MDGA2: variants seen among roughly 807,000 people sequenced by gnomAD.
The protein encoded by MDGA2 is MAM domain-containing glycosylphosphatidylinositol anchor protein 2.
Under a neutral mutation model 117.8 loss-of-function variants are expected in MDGA2, and 40 were observed. That is an observed-to-expected ratio of 0.34 (90% CI 0.26 to 0.44). The LOEUF is 0.44. Among genes scored for constraint, MDGA2 ranks in the 20% least tolerant of loss-of-function variants. MDGA2 has a pLI of 1.00. For synonymous variants in MDGA2, 452 were observed against 439.0 expected, an observed-to-expected ratio of 1.03 and a Z score of -0.37; for missense variants, 1,123 against 1,250.6, an observed-to-expected ratio of 0.90 and a Z score of 1.54.
At chr14:47,239,463 T>G (rs865835296) in intron 2 of MDGA2, among the ~76,000 whole-genome samples, 2 of 151,986 alleles carry the variant, frequency 1.3e-5, no homozygotes, top group Middle Eastern at 3.4e-3. Context: ...GTGTTTGCAT[T>G]GCAAAAGGCA....
chr14:47,166,066 C>T (rs1475593715), intron 3 of MDGA2, among the ~76,000 whole-genome samples: 5 of 142,246 alleles, frequency 3.5e-5, no homozygotes, highest in African/African-American at 5.2e-5. Context: ...GACAGAGTCT[C>T]GCTCTGTTGC....
rs935674021 is a variant in MDGA2, at chr14:46,919,869, CAT to C, written c.2238+141_2238+142del. 5.2e-5 allele frequency: 34 copies of C among 650,400 alleles called. No homozygotes were observed. In the African/African-American group the frequency reaches 6.1e-4, roughly 12 times the overall value. 40.3% of individuals were successfully genotyped at this position (650,400 alleles called of 1,614,324 possible). A position where few individuals can be genotyped will look rare whatever the true frequency, so the allele number is the denominator to read the frequency against. On this transcript the variant is annotated intron_variant, in intron 10 of 16. Coordinates refer to ENST00000399232, the MANE Select transcript of MDGA2 (RefSeq NM_001113498.3). Reference sequence around the variant, plus strand: ...TGGAGTAATATACATAGGGTGAAAACATATCTATCTGTCTATCTATATACAGA... The same window carrying C: ...TGGAGTAATATACATAGGGTGAAAACATCTATCTGTCTATCTATATACAGA...
At chr14:47,123,368 C>T (rs1952217) in intron 5 of MDGA2, among the ~76,000 whole-genome samples, 2 of 151,948 alleles carry the variant, frequency 1.3e-5, no homozygotes, top group Non-Finnish European at 2.9e-5. Flanking sequence ...TGGATACTGC[C>T]TTAGGAAAAC....
At chr14:46,854,060 C>G (rs1484626449) in intron 15 of MDGA2, among the ~76,000 whole-genome samples, 1 of 151,400 alleles carries the variant, frequency 6.6e-6, no homozygotes, top group Non-Finnish European at 1.5e-5. Flanking sequence ...TTTTATCATC[C>G]TGGTTTGATT....
intron 15 of MDGA2, among the ~76,000 whole-genome samples, chr14:46,848,290 A>G (rs1228410650): frequency 6.6e-6 from 1 of 152,022 alleles, no homozygotes; most frequent in Non-Finnish European, 1.5e-5. Context: ...GTAAAGGTAA[A>G]AAGTTTGAAG....
rs190100078 is a variant in MDGA2 at position 46,910,021 on chromosome 14, T to C, written c.2238+9991A>G. Among the ~76,000 whole-genome samples, 86 of 152,236 alleles carry C rather than the reference T, an allele frequency of 5.6e-4. 1 individual carries two copies. The highest frequency in any genetic ancestry group is 1.9e-3 in the African/African-American group (80 of 41,516). On this transcript the variant is annotated intron_variant, in intron 10 of 16. Coordinates refer to ENST00000399232, the MANE Select transcript of MDGA2 (RefSeq NM_001113498.3). ...CCTTGAAAATATTCCATTAAACCTG[T>C]GCCTAACATCCATCTCAATAAGAGT...
chr14:47,376,671 T>A (rs1891486090), intron 1 of MDGA2, among the ~76,000 whole-genome samples: 1 of 152,178 alleles, frequency 6.6e-6, no homozygotes, highest in Admixed American at 6.5e-5. Context: ...GTCTTCTTTG[T>A]GTATCTAAAA....
intron 1 of MDGA2, among the ~76,000 whole-genome samples, chr14:47,306,636 T>C (rs1889454919): frequency 1.3e-5 from 2 of 152,146 alleles, no homozygotes; most frequent in Non-Finnish European, 2.9e-5. Flanking sequence ...TTGCTACTCT[T>C]CCACACTAGG....
intron 3 of MDGA2, among the ~76,000 whole-genome samples, chr14:47,186,235 A>G (rs945485285): frequency 3.3e-5 from 5 of 151,496 alleles, no homozygotes; most frequent in South Asian, 2.1e-4. Context: ...TAAAGCAACA[A>G]CTCCCACCCC....
intron 1 of MDGA2, among the ~76,000 whole-genome samples, chr14:47,459,607 C>T (rs1308429117): frequency 6.7e-6 from 1 of 149,078 alleles, no homozygotes; most frequent in Admixed American, 6.8e-5. Context: ...CTGCTTTCTC[C>T]TTTGTGCAGG....
intron 6 of MDGA2, among the ~76,000 whole-genome samples, chr14:47,089,381 G>T (rs891604129): frequency 6.6e-6 from 1 of 151,770 alleles, no homozygotes; most frequent in Non-Finnish European, 1.5e-5. Context: ...TTTCTTTTTT[G>T]TTTGTTTGTT....
chr14:46,956,042 C>A (rs1377002281), intron 9 of MDGA2, among the ~76,000 whole-genome samples: 2 of 152,074 alleles, frequency 1.3e-5, no homozygotes, highest in Non-Finnish European at 2.9e-5. Flanking sequence ...ATCTGATATG[C>A]TTTCCTAGAT....
rs561379297 is a variant in MDGA2 at position 47,186,579 on chromosome 14, A to G, written c.595+31442T>C. 2.9e-4 allele frequency among the ~76,000 whole-genome samples: 44 copies of G among 152,030 alleles called. 1 individual carries two copies. The highest frequency in any genetic ancestry group is 1.9e-3 in the South Asian group (9 of 4,828). ...TATTCAGAGAAATCCTATGAAGCAT[A>G]TGAGGATTACAAGTAAGGAAACAGA... On this transcript the variant is annotated intron_variant, in intron 3 of 16. Transcript: ENST00000399232.
chr14:47,552,688 A>T (rs1373408913), intron 1 of MDGA2, among the ~76,000 whole-genome samples: 1 of 152,202 alleles, frequency 6.6e-6, no homozygotes, highest in East Asian at 1.9e-4. Context: ...AAAAAGTCAG[A>T]TCATGTCACT....
intron 1 of MDGA2, among the ~76,000 whole-genome samples, chr14:47,493,753 T>C (rs1365923395): frequency 1.3e-5 from 2 of 152,202 alleles, no homozygotes; most frequent in Admixed American, 6.6e-5. Flanking sequence ...ATTTAAACAT[T>C]TGGCTTATTT....
intron 1 of MDGA2, among the ~76,000 whole-genome samples, chr14:47,652,673 C>A (rs542219115): frequency 2.0e-5 from 3 of 151,954 alleles, no homozygotes; most frequent in Non-Finnish European, 1.5e-5. Flanking sequence ...ATCAGCAAAC[C>A]AGGCAAGTGG....
intron 4 of MDGA2, among the ~76,000 whole-genome samples, chr14:47,132,205 G>A (rs1403368953): frequency 2.0e-5 from 3 of 151,804 alleles, no homozygotes; most frequent in Non-Finnish European, 4.4e-5. Flanking sequence ...ACTTAATAAT[G>A]GAGTGCATTC....
chr14:47,098,400 T>C (rs1259805907), intron 5 of MDGA2, among the ~76,000 whole-genome samples: 1 of 151,610 alleles, frequency 6.6e-6, no homozygotes, highest in Non-Finnish European at 1.5e-5. Flanking sequence ...CTTTAAATAA[T>C]ATGGGAATTT....
At chr14:47,035,781 G>A (rs1888825661) in intron 7 of MDGA2, among the ~76,000 whole-genome samples, 1 of 152,088 alleles carries the variant, frequency 6.6e-6, no homozygotes, top group South Asian at 2.1e-4. Flanking sequence ...TGCCTAGTGG[G>A]AGTGAAATCA....
Sources: allele counts gnomAD v4.1 joint callset (sites outside exome capture counted in the v4.1 genomes callset), GRCh38; gene constraint gnomAD v4.1.1; transcripts MANE v1.5; gene names NCBI Gene and HGNC (gene_info 2026-07-23, HGNC 2026-07-21).